The following RAB31 variants were observed in gnomAD, a reference collection of about 807,000 sequenced individuals.
RAB31 encodes the protein RAB31, member RAS oncogene family.
Under a neutral mutation model 25.6 loss-of-function variants are expected in RAB31, and 21 were observed. That is an observed-to-expected ratio of 0.82 (90% CI 0.58 to 1.18). The LOEUF (loss-of-function observed/expected upper bound fraction) is 1.18, where lower values mean the gene tolerates loss of function less well. RAB31 is among the 50% of genes most tolerant of loss of function. The probability of loss-of-function intolerance (pLI) is 0.00; values close to 1 mark genes in which losing one functional copy is unlikely to be tolerated. For synonymous variants in RAB31, 87 were observed against 84.0 expected, an observed-to-expected ratio of 1.04 and a Z score of -0.20; for missense variants, 196 against 250.1, an observed-to-expected ratio of 0.78 and a Z score of 1.46.
chr18:9,740,788 A>G (rs1007262562), intron 1 of RAB31, among the ~76,000 whole-genome samples: 3 of 152,176 alleles, frequency 2.0e-5, no homozygotes, highest in African/African-American at 7.2e-5. Flanking sequence ...TTCTGTCCAC[A>G]TCATACCAAT....
In RAB31 at chr18:9,770,857, T is replaced by TC. The variant is rs2068341138; in HGVS notation, c.40-4421_40-4420insC. On this transcript the variant is annotated intron_variant, in intron 1 of 6. Coordinates refer to ENST00000578921, the MANE Select transcript of RAB31 (RefSeq NM_006868.4). ...TGTGAGTTCTAGAAATTTGACTTTTTTTTTTTTTTTTTTTGAGAAATTTAG... is the reference window on the plus strand; with the variant it reads ...TGTGAGTTCTAGAAATTTGACTTTTTCTTTTTTTTTTTTTTGAGAAATTTAG... 1.3e-5 allele frequency among the ~76,000 whole-genome samples: 2 copies of TC among 151,572 alleles called. 1 individual carries two copies. Among genetic ancestry groups the TC allele is most frequent in the South Asian group, 4.2e-4 (2 of 4,804 alleles).
At chr18:9,709,249 C>T (rs1429511726) in intron 1 of RAB31, among the ~76,000 whole-genome samples, 8 of 152,186 alleles carry the variant, frequency 5.3e-5, no homozygotes, top group Admixed American at 5.2e-4. Context: ...CGCAGGGAGC[C>T]GCTGGCGAAC....
chr18:9,848,330 ATCTG>A (rs2068771796), intron 6 of RAB31, among the ~76,000 whole-genome samples: 1 of 151,644 alleles, frequency 6.6e-6, no homozygotes, highest in Non-Finnish European at 1.5e-5. Context: ...CTAGCTGTCC[ATCTG>A]TCTATCCATC....
In RAB31 at chr18:9,812,621, A is replaced by G. The variant is rs74467911; in HGVS notation, c.202-1399A>G. ...TGTCTTCTGTGATTTACCTTTATAT[A>G]TATCTTTGTCCATTTTTCTATTAAG... On this transcript the variant is annotated intron_variant, in intron 3 of 6. Transcript: ENST00000578921. 3.6e-3 allele frequency among the ~76,000 whole-genome samples: 538 copies of G among 148,110 alleles called. 5 individuals carry two copies. The highest frequency in any genetic ancestry group is 0.013 in the African/African-American group (517 of 40,094).
intron 5 of RAB31, among the ~76,000 whole-genome samples, chr18:9,828,454 G>C (rs1413417937): frequency 6.6e-6 from 1 of 152,188 alleles, no homozygotes; most frequent in Non-Finnish European, 1.5e-5. Flanking sequence ...GTAAGTGTGT[G>C]ATTCATGCAA....
At chr18:9,799,386 T>C (rs964700422) in intron 3 of RAB31, among the ~76,000 whole-genome samples, 1 of 152,258 alleles carries the variant, frequency 6.6e-6, no homozygotes, top group African/African-American at 2.4e-5. Flanking sequence ...TTCTATCTTA[T>C]ATTTGTGGTA....
At chr18:9,720,540 T>C (rs1432226844) in intron 1 of RAB31, among the ~76,000 whole-genome samples, 3 of 151,904 alleles carry the variant, frequency 2.0e-5, no homozygotes, top group Non-Finnish European at 4.4e-5. Flanking sequence ...GGAGGGGGCG[T>C]GTCTGGGAGC....
rs527794319 is a variant in RAB31 at position 9,727,946 on chromosome 18, ACT to A, written c.39+19507_39+19508del. ...TTGTGGTAAGAATACTTTGAGATCT[ACT>A]CTCTTAGCAAATAGATCAGTCTTTT... is the stretch of plus-strand genomic sequence containing the variant. On this transcript the variant is annotated intron_variant, in intron 1 of 6. Transcript: ENST00000578921. Among the ~76,000 whole-genome samples the A allele has an allele frequency of 7.9e-5, 12 of 152,330 alleles. No homozygotes were observed. In the South Asian group the frequency reaches 2.5e-3, roughly 32 times the overall value.
At chr18:9,760,695 A>T (rs1444282527) in intron 1 of RAB31, among the ~76,000 whole-genome samples, 1 of 152,110 alleles carries the variant, frequency 6.6e-6, no homozygotes, top group Non-Finnish European at 1.5e-5. Flanking sequence ...GGCAATCTGC[A>T]GGGTGGAAGA....
intron 2 of RAB31, chr18:9,787,311 C>CTA (rs1362683741): frequency 9.9e-6 from 2 of 201,584 alleles, no homozygotes; most frequent in African/African-American, 4.7e-5. Flanking sequence ...TCACTCTATG[C>CTA]TGTATATTAG....
intron 1 of RAB31, among the ~76,000 whole-genome samples, chr18:9,765,396 ACTCTGCTTGAGTGAGATCTGCTCT>A (rs2068310710): frequency 6.6e-6 from 1 of 152,136 alleles, no homozygotes. Flanking sequence ...ACTGAGATTT[ACTCTGCTTGAGTGAGATCTGCTCT>A]CTCTACCCCA....
intron 2 of RAB31, chr18:9,787,526 A>G (rs947504765): frequency 5.1e-5 from 10 of 194,686 alleles, no homozygotes; most frequent in African/African-American, 9.4e-5. Flanking sequence ...TACAAGTGTA[A>G]TGAGTGTGGC....
At chr18:9,792,060 G>A (rs932951745) in intron 2 of RAB31, 94 bp from the exon 3 acceptor site, 41 of 1,475,230 alleles carry the variant, frequency 2.8e-5, no homozygotes, top group Non-Finnish European at 3.5e-5. Flanking sequence ...GCTTTTTGGG[G>A]TCCTGCTGAG....
chr18:9,745,183 C>G (rs2068199341), intron 1 of RAB31, among the ~76,000 whole-genome samples: 2 of 152,234 alleles, frequency 1.3e-5, no homozygotes, highest in South Asian at 4.2e-4. Flanking sequence ...CACTTGTAAG[C>G]CAACAGGTTA....
At chr18:9,838,819 T>C (rs1042858272) in intron 5 of RAB31, among the ~76,000 whole-genome samples, 12 of 152,184 alleles carry the variant, frequency 7.9e-5, no homozygotes, top group African/African-American at 2.9e-4. Flanking sequence ...TTCATGTTTT[T>C]ACCCTCAAAG....
intron 1 of RAB31, among the ~76,000 whole-genome samples, chr18:9,772,434 C>G: frequency 6.6e-6 from 1 of 152,244 alleles, no homozygotes; most frequent in East Asian, 1.9e-4. Flanking sequence ...GGGGCAGCCC[C>G]ATCACCACTG....
intron 6 of RAB31, 55 bp from the exon 7 acceptor site, chr18:9,859,173 G>T: frequency 7.0e-7 from 1 of 1,421,814 alleles, no homozygotes; most frequent in Non-Finnish European, 9.9e-7. Context: ...AAATCTGTGT[G>T]TGCAGTGTTG....
chr18:9,843,800 T>C (rs1250972412), intron 5 of RAB31, among the ~76,000 whole-genome samples: 1 of 152,180 alleles, frequency 6.6e-6, no homozygotes, highest in Non-Finnish European at 1.5e-5. Flanking sequence ...TTCTTTTGGC[T>C]GAGAGGCTGG....
chr18:9,840,511 A>G (rs1389750342), intron 5 of RAB31, among the ~76,000 whole-genome samples: 1 of 152,160 alleles, frequency 6.6e-6, no homozygotes, highest in Non-Finnish European at 1.5e-5. Flanking sequence ...GGAGTTCTCA[A>G]ATGTTCCCAG....
Sources: gnomAD v4.1 joint callset for allele counts (sites outside exome capture counted in the v4.1 genomes callset) on GRCh38, gnomAD v4.1.1 for gene constraint, MANE v1.5 for transcripts, NCBI Gene and HGNC (gene_info 2026-07-23, HGNC 2026-07-21) for gene names.